The following CNTNAP5 variants were observed in gnomAD, a reference collection of about 807,000 sequenced individuals.
CNTNAP5 encodes contactin-associated protein-like 5.
Under a neutral mutation model 150.2 loss-of-function variants are expected in CNTNAP5, and 72 were observed. The ratio of observed to expected loss-of-function variants is 0.48; its 90% confidence interval spans 0.40 to 0.58. The LOEUF is 0.58. CNTNAP5 is among the 20% of genes least tolerant of loss of function. The pLI is 0.00. For synonymous variants in CNTNAP5, 672 were observed against 619.8 expected, an observed-to-expected ratio of 1.08 and a Z score of -1.25; for missense variants, 1,636 against 1,626.2, an observed-to-expected ratio of 1.01 and a Z score of -0.10.
At chr2:124,416,104 G>T (rs1558891885) in intron 3 of CNTNAP5, among the ~76,000 whole-genome samples, 1 of 152,106 alleles carries the variant, frequency 6.6e-6, no homozygotes, top group African/African-American at 2.4e-5. Context: ...TCAGGGAGGG[G>T]ATTGAAGACA....
At chr2:124,172,846 A>G (rs1040629560) in intron 1 of CNTNAP5, among the ~76,000 whole-genome samples, 1 of 152,056 alleles carries the variant, frequency 6.6e-6, no homozygotes, top group Non-Finnish European at 1.5e-5. Flanking sequence ...ACAGTAATAT[A>G]TACAGGGCAC....
chr2:124,849,407 A>G (rs577075221), intron 19 of CNTNAP5, among the ~76,000 whole-genome samples: 1 of 152,250 alleles, frequency 6.6e-6, no homozygotes, highest in East Asian at 1.9e-4. Flanking sequence ...GGAATTCAGC[A>G]TGGATAACAT....
chr2:124,471,797 C>A (rs546864160), intron 6 of CNTNAP5, among the ~76,000 whole-genome samples: 1 of 152,132 alleles, frequency 6.6e-6, no homozygotes, highest in South Asian at 2.1e-4. Context: ...TTACCAAAGG[C>A]CTTTCCTGCA....
intron 10 of CNTNAP5, among the ~76,000 whole-genome samples, chr2:124,561,172 C>T (rs1695883204): frequency 6.6e-6 from 1 of 151,932 alleles, no homozygotes; most frequent in African/African-American, 2.4e-5. Flanking sequence ...CATGGAAAAA[C>T]TGGGCAGCTT....
At chr2:124,285,269 C>T (rs1330922279) in intron 3 of CNTNAP5, among the ~76,000 whole-genome samples, 9 of 152,068 alleles carry the variant, frequency 5.9e-5, no homozygotes, top group Non-Finnish European at 1.0e-4. Context: ...GAGCTAACAC[C>T]ACTTTGATAG....
At chr2:124,753,436 A>G (rs1680772917) in intron 14 of CNTNAP5, among the ~76,000 whole-genome samples, 1 of 152,224 alleles carries the variant, frequency 6.6e-6, no homozygotes, top group Non-Finnish European at 1.5e-5. Flanking sequence ...TAGCCATGAT[A>G]GAATTAGTTG....
At chr2:124,686,133 G>A (rs183335599) in intron 13 of CNTNAP5, among the ~76,000 whole-genome samples, 11 of 152,194 alleles carry the variant, frequency 7.2e-5, no homozygotes, top group Admixed American at 1.3e-4. Flanking sequence ...GTAGTGTCTG[G>A]GGTGAGTGGG....
chr2:124,655,945 G>GAGAGAGAAAGAAAGAA (rs1553427800), intron 13 of CNTNAP5, among the ~76,000 whole-genome samples: 57 of 55,516 alleles, frequency 1.0e-3, no homozygotes, highest in South Asian at 1.5e-3. Flanking sequence ...GAGAGAGAGA[G>GAGAGAGAAAGAAAGAA]AGAAAGAAAG....
chr2:124,525,356 C>T (rs192345762), intron 9 of CNTNAP5, among the ~76,000 whole-genome samples: 236 of 152,240 alleles, frequency 1.6e-3, no homozygotes, highest in African/African-American at 5.2e-3. Flanking sequence ...AAGTTAAGTA[C>T]GACCAAGGTG....
At chr2:124,855,846 C>T (rs1293565619) in intron 19 of CNTNAP5, among the ~76,000 whole-genome samples, 1 of 152,100 alleles carries the variant, frequency 6.6e-6, no homozygotes. Context: ...AATTTATAGT[C>T]TTTTATCCCT....
intron 21 of CNTNAP5, among the ~76,000 whole-genome samples, chr2:124,872,769 A>G (rs1445507412): frequency 1.3e-5 from 2 of 151,952 alleles, no homozygotes; most frequent in Non-Finnish European, 2.9e-5. Flanking sequence ...GCTCTGTGTA[A>G]TGGAAGTTCC....
intron 1 of CNTNAP5, among the ~76,000 whole-genome samples, chr2:124,052,011 C>T (rs191665027): frequency 4.1e-4 from 63 of 152,138 alleles, no homozygotes; most frequent in Non-Finnish European, 7.2e-4. Flanking sequence ...AAGAAAATAA[C>T]AAAGTCAAAG....
At chr2:124,120,577 T>A (rs895523576) in intron 1 of CNTNAP5, among the ~76,000 whole-genome samples, 2 of 152,188 alleles carry the variant, frequency 1.3e-5, no homozygotes, top group Non-Finnish European at 1.5e-5. Context: ...ATAGATGTCT[T>A]AACTAGGGTG....
At chr2:124,907,442 T>A (rs1292856332) in intron 22 of CNTNAP5, among the ~76,000 whole-genome samples, 2 of 150,286 alleles carry the variant, frequency 1.3e-5, no homozygotes, top group Admixed American at 6.7e-5. Flanking sequence ...TCAATGTCTA[T>A]CTATATTATT....
At chr2:124,595,211 G>T (rs1696799863) in intron 11 of CNTNAP5, among the ~76,000 whole-genome samples, 1 of 136,640 alleles carries the variant, frequency 7.3e-6, no homozygotes, top group Non-Finnish European at 1.6e-5. Flanking sequence ...TCCCTGTCTT[G>T]TGCCAGTTTT....
chr2:124,136,334 C>T (rs1280643787), intron 1 of CNTNAP5, among the ~76,000 whole-genome samples: 1 of 152,138 alleles, frequency 6.6e-6, no homozygotes, highest in Non-Finnish European at 1.5e-5. Flanking sequence ...AGAAGTGAAA[C>T]AGCTACAGAA....
intron 10 of CNTNAP5, among the ~76,000 whole-genome samples, chr2:124,546,988 A>G (rs148052183): frequency 2.4e-3 from 362 of 152,266 alleles, no homozygotes; most frequent in African/African-American, 8.2e-3. Context: ...ACTTTATTTT[A>G]TATGTGTAAA....
chr2:124,559,055 C>T lies in CNTNAP5; in HGVS notation c.1650-4162C>T, dbSNP rs73952810. Among the ~76,000 whole-genome samples, 1,232 of 152,262 alleles carry T rather than the reference C, an allele frequency of 8.1e-3. 24 individuals carry two copies. The highest frequency in any genetic ancestry group is 0.028 in the African/African-American group (1,155 of 41,546). On this transcript the variant is annotated intron_variant, in intron 10 of 23. Coordinates refer to ENST00000682447, the MANE Select transcript of CNTNAP5 (RefSeq NM_001367498.1). ...GTTTCTTCATATTTCCCATGAACAG[C>T]AAAACACAGTACAAAACAACCACCT...
At chr2:124,659,931 G>A (rs568992371) in intron 13 of CNTNAP5, among the ~76,000 whole-genome samples, 78 of 152,168 alleles carry the variant, frequency 5.1e-4, no homozygotes, top group African/African-American at 1.7e-3. Flanking sequence ...CTCAGAGAAT[G>A]GGGGAGACAT....
Sources: allele counts gnomAD v4.1 joint callset (sites outside exome capture counted in the v4.1 genomes callset), GRCh38; gene constraint gnomAD v4.1.1; transcripts MANE v1.5; gene names NCBI Gene and HGNC (gene_info 2026-07-23, HGNC 2026-07-21).